Variants in AUTS2 observed in about 807,000 individuals in gnomAD.
AUTS2 encodes the protein autism susceptibility gene 2 protein.
AUTS2 carries 17 observed loss-of-function variants against 112.4 expected under a neutral mutation model. That is an observed-to-expected ratio of 0.15 (90% CI 0.10 to 0.23). AUTS2 has a LOEUF of 0.23. AUTS2 is among the 10% of genes least tolerant of loss of function. The pLI is 1.00. For synonymous variants in AUTS2, 751 were observed against 702.7 expected, an observed-to-expected ratio of 1.07 and a Z score of -1.09; for missense variants, 1,510 against 1,701.6, an observed-to-expected ratio of 0.89 and a Z score of 1.98.
chr7:70,780,623 G>A (rs531465409), intron 14 of AUTS2, among the ~76,000 whole-genome samples: 28 of 152,204 alleles, frequency 1.8e-4, no homozygotes, highest in African/African-American at 6.0e-4. Flanking sequence ...CAGTCCGCCC[G>A]CCTTGGCCTC....
At chr7:70,138,747 C>T (rs567914347) in intron 4 of AUTS2, among the ~76,000 whole-genome samples, 35 of 152,290 alleles carry the variant, frequency 2.3e-4, no homozygotes, top group Non-Finnish European at 1.6e-4. Flanking sequence ...TGGTATACAT[C>T]TTCAGACGGG....
intron 5 of AUTS2, among the ~76,000 whole-genome samples, chr7:70,651,329 G>A (rs2129541770): frequency 6.6e-6 from 1 of 152,310 alleles, no homozygotes; most frequent in Middle Eastern, 3.4e-3. Flanking sequence ...ATTTACTGTA[G>A]CAAACTCACG....
intron 4 of AUTS2, among the ~76,000 whole-genome samples, chr7:70,160,795 C>T (rs1431874508): frequency 1.3e-5 from 2 of 152,180 alleles, no homozygotes; most frequent in African/African-American, 4.8e-5. Context: ...TCTTCCTAAA[C>T]CAATCATTGC....
intron 2 of AUTS2, among the ~76,000 whole-genome samples, chr7:70,073,510 CA>C (rs778228658): frequency 0.048 from 3,160 of 65,216 alleles, 31 homozygotes; most frequent in Middle Eastern, 0.13. Context: ...GACCTCATCT[CA>C]AAAAAAAAAA....
chr7:69,697,049 A>G (rs531266030), intron 1 of AUTS2, among the ~76,000 whole-genome samples: 3 of 152,366 alleles, frequency 2.0e-5, no homozygotes, highest in Admixed American at 6.5e-5. Flanking sequence ...TTGGACAATG[A>G]TTCTCAAACT....
intron 4 of AUTS2, among the ~76,000 whole-genome samples, chr7:70,195,224 A>T (rs1168209280): frequency 1.3e-5 from 2 of 152,228 alleles, no homozygotes; most frequent in Non-Finnish European, 2.9e-5. Flanking sequence ...TAAGAAAAAG[A>T]TCTGTCACAA....
chr7:69,645,075 A>ATT (rs34549998), intron 1 of AUTS2, among the ~76,000 whole-genome samples: 94,640 of 139,584 alleles, frequency 0.68, 32,067 homozygotes, highest in East Asian at 0.77. Context: ...CACCCAGTTA[A>ATT]TTTTTTTTTT....
Position 70,026,197 on chromosome 7 carries a change from C to T in AUTS2, c.523-91935C>T, listed in dbSNP as rs138910789. On this transcript the variant is annotated intron_variant, in intron 2 of 18. Coordinates refer to ENST00000342771, the MANE Select transcript of AUTS2 (RefSeq NM_015570.4). ...GCCAGATATTCCCTAGAAGGGAAAA[C>T]GCTCCTTAGTTTCACTGAGGATCTG... 3.4e-4 allele frequency among the ~76,000 whole-genome samples: 52 copies of T among 152,300 alleles called. 2 individuals are homozygous for T. The highest frequency in any genetic ancestry group is 1.2e-3 in the African/African-American group (50 of 41,558).
chr7:70,785,614 C>T, intron 16 of AUTS2: 1 of 434,960 alleles, frequency 2.3e-6, no homozygotes. Flanking sequence ...CACCTCCTTT[C>T]TGTTCTGTTA....
intron 5 of AUTS2, among the ~76,000 whole-genome samples, chr7:70,561,786 C>G (rs538211433): frequency 6.6e-6 from 1 of 152,194 alleles, no homozygotes; most frequent in Admixed American, 6.5e-5. Flanking sequence ...AAATCCTTTC[C>G]GGGGGTCCTG....
At chr7:70,440,121 C>T (rs763413400) in intron 5 of AUTS2, among the ~76,000 whole-genome samples, 1 of 149,600 alleles carries the variant, frequency 6.7e-6, no homozygotes, top group African/African-American at 2.5e-5. Context: ...TGGCTTATGG[C>T]GGTAATCCCA....
intron 5 of AUTS2, among the ~76,000 whole-genome samples, chr7:70,562,202 G>A (rs1274377966): frequency 1.3e-5 from 2 of 152,154 alleles, no homozygotes; most frequent in African/African-American, 4.8e-5. Context: ...CCACCCTCAG[G>A]TATTCCTTTA....
chr7:70,656,988 G>A (rs2129542333), intron 5 of AUTS2, among the ~76,000 whole-genome samples: 1 of 152,334 alleles, frequency 6.6e-6, no homozygotes, highest in East Asian at 1.9e-4. Context: ...AGATGAGGAA[G>A]AGAGGAGACA....
At chr7:70,402,275 G>A (rs996621501) in intron 4 of AUTS2, among the ~76,000 whole-genome samples, 4 of 152,204 alleles carry the variant, frequency 2.6e-5, no homozygotes, top group Admixed American at 2.6e-4. Context: ...TATTTATGCT[G>A]CTATGAAGCT....
intron 1 of AUTS2, among the ~76,000 whole-genome samples, chr7:69,672,356 G>A (rs1796375876): frequency 6.6e-6 from 1 of 152,168 alleles, no homozygotes; most frequent in Admixed American, 6.5e-5. Context: ...ACTGTGCCCT[G>A]CTGGAACTAA....
intron 4 of AUTS2, among the ~76,000 whole-genome samples, chr7:70,352,825 G>A (rs1320908014): frequency 1.3e-5 from 2 of 152,150 alleles, no homozygotes; most frequent in East Asian, 3.9e-4. Context: ...ACCTACTTTA[G>A]GTAGGTAGGC....
chr7:70,649,551 C>T (rs142242185), intron 5 of AUTS2, among the ~76,000 whole-genome samples: 17,113 of 137,412 alleles, frequency 0.12, 1,042 homozygotes, highest in South Asian at 0.18. Flanking sequence ...TTTTTTGAGA[C>T]GGAGTCTCGC....
At chr7:69,878,633 C>T (rs1037823048) in intron 1 of AUTS2, among the ~76,000 whole-genome samples, 2 of 152,144 alleles carry the variant, frequency 1.3e-5, no homozygotes, top group Admixed American at 1.3e-4. Context: ...CCACATGACT[C>T]GGAGAGGCAG....
At chr7:70,289,865 A>G (rs1788630146) in intron 4 of AUTS2, among the ~76,000 whole-genome samples, 1 of 152,226 alleles carries the variant, frequency 6.6e-6, no homozygotes, top group African/African-American at 2.4e-5. Context: ...GGGAAGGGAA[A>G]TACATAAATA....
Sources: allele counts gnomAD v4.1 joint callset (sites outside exome capture counted in the v4.1 genomes callset), GRCh38; gene constraint gnomAD v4.1.1; transcripts MANE v1.5; gene names NCBI Gene and HGNC (gene_info 2026-07-23, HGNC 2026-07-21).